The following SPTAN1 variants were observed in gnomAD, a reference collection of about 807,000 sequenced individuals.
SPTAN1 encodes spectrin alpha chain, non-erythrocytic 1.
In SPTAN1, 61 loss-of-function variants were observed where a neutral mutation model predicts 331.3. The observed-to-expected ratio is 0.18, with a 90% CI of 0.15 to 0.23. SPTAN1 has a LOEUF of 0.23. SPTAN1 is among the 10% of genes least tolerant of loss of function. SPTAN1 has a pLI of 1.00. For missense variants in SPTAN1, 2,043 were observed against 3,147.9 expected (o/e 0.65, Z 8.40); for synonymous variants, 1,153 against 1,173.9 (o/e 0.98, Z 0.36).
chr9:128,630,471 T>C, intron 52 of SPTAN1, 96 bp downstream of exon 52: 1 of 1,222,834 alleles, frequency 8.2e-7, no homozygotes, highest in Non-Finnish European at 1.2e-6. Flanking sequence ...AGGAACCAGA[T>C]GTGCTATTAT....
At position 128,605,097 on chromosome 9, in the gene SPTAN1, T is replaced by C. The variant is rs1589296050; in HGVS notation, c.3783T>C (p.Tyr1261=). The change falls in exon 30 of 57, where the codon TAT becomes TAC. Residue 1261 remains tyrosine (Y), a synonymous_variant. Transcript: ENST00000372739. ...EKNQALNTDN[Y]GHDLASVQAL... ...ATCAAGCTCTAAACACAGACAATTA[T>C]GGACATGATCTCGCCAGTGTCCAGG... 2 of 1,614,014 alleles carry C rather than the reference T, an allele frequency of 1.2e-6. No homozygotes were observed. Among genetic ancestry groups the C allele is most frequent in the Non-Finnish European group, 1.7e-6 (2 of 1,180,014 alleles).
At position 128,575,680 on chromosome 9, in the gene SPTAN1, G is replaced by A. The variant is rs534260962; in HGVS notation, c.651+335G>A. Among the ~76,000 whole-genome samples, 4 of 152,312 alleles carry A rather than the reference G, an allele frequency of 2.6e-5. No homozygotes were observed. In the East Asian group the frequency reaches 5.8e-4, roughly 22 times the overall value. ...GGGTGTGGTGGTGAATGCTAAGTTA[G>A]TATTGGCAGATGTCCACCAATGCAT... On this transcript the variant is annotated intron_variant, in intron 5 of 56. Coordinates refer to ENST00000372739, the MANE Select transcript of SPTAN1 (RefSeq NM_001130438.3).
At chr9:128,583,044 A>G (rs373018123) in intron 14 of SPTAN1, 33 bp from the exon 15 acceptor site, 2 of 1,610,050 alleles carry the variant, frequency 1.2e-6, no homozygotes, top group Non-Finnish European at 1.7e-6. Context: ...TCTCAGGTTC[A>G]AGATAGAAAG....
intron 40 of SPTAN1, 120 bp from the exon 41 acceptor site, chr9:128,615,512 C>T (rs959982436): frequency 2.1e-6 from 2 of 973,046 alleles, no homozygotes; most frequent in Non-Finnish European, 1.6e-6. Context: ...CAGAGGTCCA[C>T]ATAACAGACT....
At chr9:128,617,926 C>T in intron 42 of SPTAN1, 61 bp from the exon 43 acceptor site, 2 of 1,613,808 alleles carry the variant, frequency 1.2e-6, no homozygotes, top group Non-Finnish European at 1.7e-6. Flanking sequence ...TTCCTGGGAG[C>T]TTCGAGACAG....
chr9:128,587,794 G>A, intron 20 of SPTAN1, 96 bp downstream of exon 20: 1 of 891,038 alleles, frequency 1.1e-6, no homozygotes. Context: ...ATTTGACTCT[G>A]CTATTAACTC....
At chr9:128,599,666 G>A in intron 26 of SPTAN1, 1 of 168,874 alleles carries the variant, frequency 5.9e-6, no homozygotes, top group Non-Finnish European at 1.1e-5. Flanking sequence ...CAACAGGCAT[G>A]CAACACAAAG....
chr9:128,586,644 C>G (rs574821774), intron 19 of SPTAN1, among the ~76,000 whole-genome samples: 1 of 152,206 alleles, frequency 6.6e-6, no homozygotes, highest in East Asian at 1.9e-4. Flanking sequence ...TACCAGTGCG[C>G]ACATATACCC....
chr9:128,603,255 G>A (rs113030949), intron 27 of SPTAN1, among the ~76,000 whole-genome samples: 88 of 152,054 alleles, frequency 5.8e-4, no homozygotes, highest in African/African-American at 2.0e-3. Context: ...TAGTCTTTTA[G>A]GTATTTTTCT....
At chr9:128,604,937 A>G in intron 29 of SPTAN1, 97 bp from the exon 30 acceptor site, 1 of 1,069,754 alleles carries the variant, frequency 9.3e-7, no homozygotes, top group African/African-American at 1.6e-5. Flanking sequence ...CATCTCAGTA[A>G]ATAAATAAAT....
intron 25 of SPTAN1, 186 bp downstream of exon 25, chr9:128,598,690 A>T (rs1047030467): frequency 4.6e-6 from 3 of 645,544 alleles, no homozygotes; most frequent in Admixed American, 2.3e-5. Flanking sequence ...CCTCACTTTC[A>T]CTTGGTTTGG....
intron 1 of SPTAN1, among the ~76,000 whole-genome samples, chr9:128,561,650 G>A (rs1481329175): frequency 3.4e-3 from 61 of 18,036 alleles, no homozygotes; most frequent in Admixed American, 0.012. Context: ...GCAACAGAGC[G>A]AGACTCCGTC....
intron 49 of SPTAN1, 184 bp downstream of exon 49, chr9:128,626,871 G>A: frequency 1.4e-6 from 1 of 719,990 alleles, no homozygotes. Flanking sequence ...CTTCAGTGCA[G>A]TGGTGCTACC....
intron 24 of SPTAN1, chr9:128,595,798 C>T (rs948315813): frequency 1.3e-5 from 2 of 152,258 alleles, no homozygotes; most frequent in African/African-American, 2.4e-5. Flanking sequence ...AATGGAATCA[C>T]GTTATGTCAC....
At position 128,596,621 on chromosome 9, in the gene SPTAN1, C is replaced by G. The variant is rs1854330125; in HGVS notation, c.3415-1779C>G. 2.0e-5 allele frequency: 3 copies of G among 152,052 alleles called. No individual in the cohort carries two copies. The South Asian group carries it at 6.2e-4, about 32-fold the overall frequency. 9.4% of individuals were successfully genotyped at this position (152,052 alleles called of 1,614,324 possible). A position where few individuals can be genotyped will look rare whatever the true frequency, so the allele number is the denominator to read the frequency against. The stretch of plus-strand genomic sequence containing the variant: ...ATCCATTCCACCACTTAAAAGGATT[C>G]TTACAACAAATTAAAATGAGGAGGG... On this transcript the variant is annotated intron_variant, in intron 24 of 56. Coordinates refer to ENST00000372739, the MANE Select transcript of SPTAN1 (RefSeq NM_001130438.3).
rs1852075928 is a variant in SPTAN1 at position 128,582,567 on chromosome 9, AG to A, written c.1650+13del. 4.3e-6 allele frequency: 7 copies of A among 1,613,476 alleles called. No homozygotes were observed. The East Asian group carries it at 1.6e-4, about 36-fold the overall frequency. ...ACTCGCCGAGATGCTGTAAGTTTGT[AG>A]GTTCTTCATGCTCCTCCTTTTTGGT... is the stretch of plus-strand genomic sequence containing the variant. On this transcript the variant is annotated intron_variant, in intron 13 of 56. Coordinates refer to ENST00000372739, the MANE Select transcript of SPTAN1 (RefSeq NM_001130438.3).
intron 52 of SPTAN1, 191 bp downstream of exon 52, chr9:128,630,566 C>G: frequency 5.1e-6 from 3 of 589,588 alleles, no homozygotes; most frequent in Non-Finnish European, 9.1e-6. Flanking sequence ...GAATCTCTCT[C>G]TCGCCCAGGC....
Position 128,591,599 on chromosome 9 carries a change from A to G in SPTAN1, c.3129A>G (p.Ala1043=). The G allele has an allele frequency of 1.2e-6, 2 of 1,614,146 alleles. No homozygotes were observed. The highest frequency in any genetic ancestry group is 8.5e-7 in the Non-Finnish European group (1 of 1,180,012). ...TCCTGGAGGAGCAAGGCAGCATAGC[A>G]CTGCGGCAGGAGCAGATTGACAATC... ...ENLLEEQGSI[A]LRQEQIDNQT... Residue 1043 remains alanine (A), a synonymous_variant, in exon 22 of 57, where the codon GCA becomes GCG. Coordinates refer to ENST00000372739, the MANE Select transcript of SPTAN1 (RefSeq NM_001130438.3).
Position 128,609,068 on chromosome 9 carries a change from C to T in SPTAN1, c.4596-54C>T, listed in dbSNP as rs1856272862. Reference sequence around the variant, plus strand: ...CCAGGCCTGTTCTGTCTCCCCACTTCCTTCTCCACGGTAAGATATGCTCAT... The same window carrying T: ...CCAGGCCTGTTCTGTCTCCCCACTTTCTTCTCCACGGTAAGATATGCTCAT... On this transcript the variant is annotated intron_variant, in intron 35 of 56. Coordinates refer to ENST00000372739, the MANE Select transcript of SPTAN1 (RefSeq NM_001130438.3). 13 of 1,614,044 alleles carry T rather than the reference C, an allele frequency of 8.1e-6. No individual in the cohort carries two copies. In the South Asian group the frequency reaches 1.1e-4, roughly 14 times the overall value.
Sources: allele counts gnomAD v4.1 joint callset (sites outside exome capture counted in the v4.1 genomes callset), GRCh38; gene constraint gnomAD v4.1.1; transcripts MANE v1.5; gene names NCBI Gene and HGNC (gene_info 2026-07-23, HGNC 2026-07-21).